The following TRPC4 variants were observed in gnomAD, a reference collection of about 807,000 sequenced individuals.
TRPC4 encodes short transient receptor potential channel 4.
TRPC4 carries 49 observed loss-of-function variants against 99.4 expected under a neutral mutation model. The ratio of observed to expected loss-of-function variants is 0.49; its 90% CI spans 0.39 to 0.63. The LOEUF is 0.63. Ranked by LOEUF, TRPC4 falls within the 20% of genes least tolerant of loss-of-function variation. The pLI is 0.00. For missense variants in TRPC4, 898 were observed against 1,152.9 expected (o/e 0.78, Z 3.20); for synonymous variants, 454 against 425.9 (o/e 1.07, Z -0.81).
At chr13:37,859,173 A>ACTGATTTATT (rs1959201976) in intron 1 of TRPC4, among the ~76,000 whole-genome samples, 1 of 151,626 alleles carries the variant, frequency 6.6e-6, no homozygotes, top group Non-Finnish European at 1.5e-5. Flanking sequence ...AGAGCTGTAA[A>ACTGATTTATT]TAAAATATAC....
At chr13:37,638,903 G>A (rs761564022) in intron 10 of TRPC4, 137 bp downstream of exon 10, 4 of 809,022 alleles carry the variant, frequency 4.9e-6, no homozygotes, top group Non-Finnish European at 6.1e-6. Flanking sequence ...GTTCTGTAGG[G>A]TTTCAGCTGA....
rs189799935 is a variant in TRPC4, at chr13:37,761,581, G to A, written c.379-15126C>T. On this transcript the variant is annotated intron_variant, in intron 2 of 10. Coordinates refer to ENST00000379705, the MANE Select transcript of TRPC4 (RefSeq NM_016179.4). ...CAAAATATTTCTCATTAAGGAACAA[G>A]AACTGAAGAAACATATATCAAAGCC... is the stretch of plus-strand genomic sequence containing the variant. 7.2e-5 allele frequency among the ~76,000 whole-genome samples: 11 copies of A among 151,974 alleles called. No homozygotes were observed. The East Asian group carries it at 1.6e-3, about 22-fold the overall frequency.
At chr13:37,704,341 T>C (rs1231867628) in intron 3 of TRPC4, among the ~76,000 whole-genome samples, 1 of 152,182 alleles carries the variant, frequency 6.6e-6, no homozygotes, top group African/African-American at 2.4e-5. Context: ...AAGTACTCAC[T>C]TTAAATATGG....
chr13:37,828,415 A>C (rs1397995245), intron 1 of TRPC4, among the ~76,000 whole-genome samples: 5 of 152,196 alleles, frequency 3.3e-5, no homozygotes, highest in Non-Finnish European at 7.3e-5. Context: ...GCATTGTGGA[A>C]AGCAGTTTGG....
intron 3 of TRPC4, among the ~76,000 whole-genome samples, chr13:37,743,186 A>G (rs1955641474): frequency 6.6e-6 from 1 of 152,150 alleles, no homozygotes; most frequent in Non-Finnish European, 1.5e-5. Context: ...GCAAGACCCC[A>G]TATCTACAAG....
At chr13:37,689,623 T>A (rs1385661328) in intron 4 of TRPC4, among the ~76,000 whole-genome samples, 2 of 152,164 alleles carry the variant, frequency 1.3e-5, no homozygotes, top group Admixed American at 1.3e-4. Context: ...AAGCTGGAAT[T>A]ATAATACTCA....
At chr13:37,696,918 T>G (rs77387386) in intron 3 of TRPC4, among the ~76,000 whole-genome samples, 1 of 147,114 alleles carries the variant, frequency 6.8e-6, no homozygotes, top group East Asian at 2.1e-4. Flanking sequence ...TGAAACATCT[T>G]TTTTTTTTTT....
Position 37,639,248 on chromosome 13 carries a change from G to T in TRPC4, c.2121+10C>A. 13 of 1,613,556 alleles carry T rather than the reference G, an allele frequency of 8.1e-6. No homozygotes were observed. Among genetic ancestry groups the T allele is most frequent in the Non-Finnish European group, 9.3e-6 (11 of 1,179,658 alleles). ...TGAAAATTTCAAGACATAGTACAAG[G>T]ACAACTTACTTGGTATTGGTGATGT... On this transcript the variant is annotated intron_variant, in intron 9 of 10. Transcript: ENST00000379705.
rs536138536 is a variant in TRPC4, at chr13:37,733,300, C to A, written c.897+12637G>T. On this transcript the variant is annotated intron_variant, in intron 3 of 10. Coordinates refer to ENST00000379705, the MANE Select transcript of TRPC4 (RefSeq NM_016179.4). ...AACACAGCGAGCCTAAGAATAAAGTCACTTCTGTTGCATTCTATGGGTCAT... is the reference window on the plus strand; with the variant it reads ...AACACAGCGAGCCTAAGAATAAAGTAACTTCTGTTGCATTCTATGGGTCAT... Among the ~76,000 whole-genome samples, 11 of 152,178 alleles carry A rather than the reference C, an allele frequency of 7.2e-5. No individual in the cohort carries two copies. The East Asian group carries it at 2.1e-3, about 30-fold the overall frequency.
At chr13:37,681,139 G>A (rs1369309220) in intron 4 of TRPC4, among the ~76,000 whole-genome samples, 1 of 152,178 alleles carries the variant, frequency 6.6e-6, no homozygotes, top group Non-Finnish European at 1.5e-5. Context: ...CTTCATAGCT[G>A]AGCAGACTCT....
intron 1 of TRPC4, among the ~76,000 whole-genome samples, chr13:37,804,995 G>T (rs1317887214): frequency 6.6e-6 from 1 of 151,930 alleles, no homozygotes; most frequent in African/African-American, 2.4e-5. Flanking sequence ...TTCTCAAATG[G>T]TTGATATTTT....
chr13:37,696,076 G>A (rs1045289369), intron 3 of TRPC4, among the ~76,000 whole-genome samples: 5 of 152,216 alleles, frequency 3.3e-5, no homozygotes, highest in African/African-American at 1.2e-4. Flanking sequence ...ATGTGGCTGG[G>A]GAGGTCTCAC....
chr13:37,843,189 T>C (rs989620675), intron 1 of TRPC4, among the ~76,000 whole-genome samples: 1 of 152,178 alleles, frequency 6.6e-6, no homozygotes, highest in Non-Finnish European at 1.5e-5. Context: ...ACTAGTTTTG[T>C]CATCTGTATA....
intron 6 of TRPC4, among the ~76,000 whole-genome samples, chr13:37,662,310 A>G (rs1295333589): frequency 8.3e-5 from 5 of 59,980 alleles, no homozygotes; most frequent in African/African-American, 3.6e-4. Flanking sequence ...ACTCTGCCTT[A>G]AAAAAAAAAA....
rs966454356 is a variant in TRPC4 at position 37,675,726 on chromosome 13, G to C, written c.1235-1359C>G. On this transcript the variant is annotated intron_variant, in intron 4 of 10. Coordinates refer to ENST00000379705, the MANE Select transcript of TRPC4 (RefSeq NM_016179.4). Reference sequence around the variant, plus strand: ...TTCCTGTACATAAGCTGCCATGTTTGCCATGAAAAGGAGGGCATCGATCAT... The same window carrying C: ...TTCCTGTACATAAGCTGCCATGTTTCCCATGAAAAGGAGGGCATCGATCAT... 3.9e-5 allele frequency among the ~76,000 whole-genome samples: 6 copies of C among 152,118 alleles called. No homozygotes were observed. The East Asian group carries it at 1.2e-3, about 29-fold the overall frequency.
At chr13:37,774,489 G>T (rs940408317) in intron 2 of TRPC4, among the ~76,000 whole-genome samples, 25 of 151,718 alleles carry the variant, frequency 1.6e-4, no homozygotes, top group Admixed American at 1.1e-3. Flanking sequence ...TTCTTGAAAA[G>T]AACATTTATT....
intron 1 of TRPC4, among the ~76,000 whole-genome samples, chr13:37,833,808 C>T (rs117439060): frequency 0.012 from 1,873 of 152,174 alleles, 19 homozygotes; most frequent in Middle Eastern, 0.027. Context: ...ATTTGGCTTT[C>T]CAGGATCTTA....
chr13:37,820,747 T>A (rs1341804773), intron 1 of TRPC4, among the ~76,000 whole-genome samples: 1 of 152,030 alleles, frequency 6.6e-6, no homozygotes, highest in Non-Finnish European at 1.5e-5. Flanking sequence ...TCTTTCATAG[T>A]CAGAACCCTC....
intron 2 of TRPC4, among the ~76,000 whole-genome samples, chr13:37,770,860 C>T (rs1435866037): frequency 6.6e-6 from 1 of 151,618 alleles, no homozygotes; most frequent in East Asian, 2.0e-4. Flanking sequence ...CCTAATATGA[C>T]AATCTACTAC....
Sources: allele counts gnomAD v4.1 joint callset (sites outside exome capture counted in the v4.1 genomes callset), GRCh38; gene constraint gnomAD v4.1.1; transcripts MANE v1.5; gene names NCBI Gene and HGNC (gene_info 2026-07-23, HGNC 2026-07-21).